The following PAFAH1B1 variants were observed in gnomAD, a reference collection of about 807,000 sequenced individuals.
PAFAH1B1 encodes the protein platelet activating factor acetylhydrolase 1b regulatory subunit 1.
In PAFAH1B1, 2 loss-of-function variants were observed where a neutral mutation model predicts 57.5. The observed-to-expected ratio is 0.03, with a 90% CI of 0.01 to 0.11. PAFAH1B1 has a LOEUF of 0.11. PAFAH1B1 is among the 10% of genes least tolerant of loss of function. The pLI is 1.00. For missense variants in PAFAH1B1, 257 were observed against 512.0 expected, an observed-to-expected ratio of 0.50 and a Z score of 4.81; for synonymous variants, 152 against 169.6, an observed-to-expected ratio of 0.90 and a Z score of 0.81.
chr17:2,642,294 T>C (rs374774449), intron 2 of PAFAH1B1: 3 of 152,334 alleles, frequency 2.0e-5, no homozygotes, highest in African/African-American at 4.8e-5. Flanking sequence ...CTGAAACTTT[T>C]TGAGTGCCAA....
chr17:2,641,399 T>G (rs909290214), intron 2 of PAFAH1B1: 3 of 152,278 alleles, frequency 2.0e-5, no homozygotes, highest in African/African-American at 7.2e-5. Flanking sequence ...CCTCAGGTGA[T>G]GCGCCCACCT....
chr17:2,683,225 G>T lies in PAFAH1B1; in HGVS notation c.*1423G>T, dbSNP rs550428661. 2.2e-4 allele frequency: 34 copies of T among 152,300 alleles called. No individual in the cohort carries two copies. Among genetic ancestry groups the T allele is most frequent in the African/African-American group, 7.0e-4 (29 of 41,572 alleles). 9.4% of individuals were successfully genotyped at this position (152,300 alleles called of 1,614,324 possible). On this transcript the variant is annotated 3_prime_UTR_variant, in exon 11 of 11. Transcript: ENST00000397195. ...CCCAAAGTTACAGGTAGGTTTAAGA[G>T]AATTTTTAGCCATGACTTTTGGAGC...
intron 1 of PAFAH1B1, among the ~76,000 whole-genome samples, chr17:2,594,700 A>G (rs2068065420): frequency 6.6e-6 from 1 of 151,862 alleles, no homozygotes; most frequent in Non-Finnish European, 1.5e-5. Context: ...ATCTGGCAGG[A>G]TTTTCTTTCT....
chr17:2,620,681 G>A (rs370375645), intron 1 of PAFAH1B1, among the ~76,000 whole-genome samples: 1 of 152,034 alleles, frequency 6.6e-6, no homozygotes, highest in African/African-American at 2.4e-5. Flanking sequence ...GGCCAACATG[G>A]TAAAACCCCG....
intron 1 of PAFAH1B1, among the ~76,000 whole-genome samples, chr17:2,634,062 A>G (rs535713057): frequency 3.3e-5 from 5 of 151,158 alleles, no homozygotes; most frequent in Middle Eastern, 6.9e-3. Flanking sequence ...TAGAATCAAC[A>G]TACGTAAAAT....
At chr17:2,635,768 C>G (rs964384952) in intron 1 of PAFAH1B1, among the ~76,000 whole-genome samples, 1 of 151,300 alleles carries the variant, frequency 6.6e-6, no homozygotes, top group Non-Finnish European at 1.5e-5. Flanking sequence ...GGGTTTTTTT[C>G]TGATTAAAGC....
chr17:2,663,991 C>A (rs2069058732), intron 2 of PAFAH1B1, among the ~76,000 whole-genome samples: 1 of 151,972 alleles, frequency 6.6e-6, no homozygotes, highest in South Asian at 2.1e-4. Context: ...CCGCTCCCAG[C>A]CTCTGGTCTT....
intron 1 of PAFAH1B1, chr17:2,613,855 G>A (rs151080332): frequency 8.2e-6 from 2 of 242,444 alleles, no homozygotes; most frequent in East Asian, 2.2e-4. Flanking sequence ...CTGGGATCTG[G>A]CACAGAGGTG....
At chr17:2,673,905 C>A in intron 7 of PAFAH1B1, 155 bp from the exon 8 acceptor site, 2 of 630,018 alleles carry the variant, frequency 3.2e-6, no homozygotes, top group South Asian at 1.9e-5. Context: ...GCTTATTGTT[C>A]CTACTTTAAT....
Position 2,670,188 on chromosome 17 carries a change from T to A in PAFAH1B1, c.425T>A (p.Phe142Tyr). 2 of 1,614,188 alleles carry A rather than the reference T, an allele frequency of 1.2e-6. No individual in the cohort carries two copies. The highest frequency in any genetic ancestry group is 1.7e-6 in the Non-Finnish European group (2 of 1,180,012). ...IKVWDYETGD[F>Y]ERTLKGHTDS... Reference sequence around the variant, plus strand: ...GTGTGGGATTATGAGACTGGAGATTTTGAACGAACTCTTAAAGGACATACA... The same window carrying A: ...GTGTGGGATTATGAGACTGGAGATTATGAACGAACTCTTAAAGGACATACA... The change falls in exon 6 of 11, where the codon TTT (phenylalanine) becomes TAT (tyrosine). Residue 142 changes from phenylalanine (F) to tyrosine (Y), a missense_variant. Coordinates refer to ENST00000397195, the MANE Select transcript of PAFAH1B1 (RefSeq NM_000430.4).
chr17:2,604,327 C>T (rs945382570), intron 1 of PAFAH1B1, among the ~76,000 whole-genome samples: 4 of 152,080 alleles, frequency 2.6e-5, no homozygotes, highest in African/African-American at 4.8e-5. Flanking sequence ...TGTGAGCCAC[C>T]GCACCCTGCT....
chr17:2,603,194 C>T (rs1208264021), intron 1 of PAFAH1B1, among the ~76,000 whole-genome samples: 3 of 152,100 alleles, frequency 2.0e-5, no homozygotes, highest in Non-Finnish European at 2.9e-5. Context: ...GGGTCTGGCT[C>T]TGTTGCCCAG....
At chr17:2,645,718 C>T (rs2068759840) in intron 2 of PAFAH1B1, among the ~76,000 whole-genome samples, 1 of 151,416 alleles carries the variant, frequency 6.6e-6, no homozygotes, top group African/African-American at 2.4e-5. Context: ...GGTTCTCCTG[C>T]CTCAGCCTCC....
At chr17:2,680,112 C>G (rs765872011) in intron 9 of PAFAH1B1, 52 bp from the exon 10 acceptor site, 1 of 1,460,862 alleles carries the variant, frequency 6.8e-7, no homozygotes, top group Non-Finnish European at 9.6e-7. Flanking sequence ...GAAATAGATG[C>G]TATTTAAACA....
chr17:2,659,819 A>C (rs1597562753), intron 2 of PAFAH1B1, among the ~76,000 whole-genome samples: 1 of 152,260 alleles, frequency 6.6e-6, no homozygotes, highest in South Asian at 2.1e-4. Context: ...TGGGTGACAG[A>C]GTGAGACTCC....
intron 1 of PAFAH1B1, among the ~76,000 whole-genome samples, chr17:2,624,186 ATTG>A (rs1486462495): frequency 6.6e-6 from 1 of 152,040 alleles, no homozygotes; most frequent in African/African-American, 2.4e-5. Flanking sequence ...CCTGGACCTT[ATTG>A]TTCATATCAC....
intron 10 of PAFAH1B1, chr17:2,680,821 AG>A (rs765294905): frequency 9.0e-4 from 179 of 198,726 alleles, no homozygotes; most frequent in Non-Finnish European, 1.5e-3. Context: ...AGCCTGCGTA[AG>A]GTGGGCTAAT....
At chr17:2,659,288 C>G (rs1487933692) in intron 2 of PAFAH1B1, 1 of 162,494 alleles carries the variant, frequency 6.2e-6, no homozygotes, top group African/African-American at 2.4e-5. Context: ...CCTGTTATCC[C>G]AGCACTTTGG....
chr17:2,609,453 A>T (rs1597513608), intron 1 of PAFAH1B1: 1 of 152,242 alleles, frequency 6.6e-6, no homozygotes, highest in African/African-American at 2.4e-5. Flanking sequence ...AAATGAAAAA[A>T]AGTATAGCTT....
Sources: gnomAD v4.1 joint callset for allele counts (sites outside exome capture counted in the v4.1 genomes callset) on GRCh38, gnomAD v4.1.1 for gene constraint, MANE v1.5 for transcripts, NCBI Gene and HGNC (gene_info 2026-07-23, HGNC 2026-07-21) for gene names.